The following DLGAP1 variants were observed in gnomAD, a reference collection of about 807,000 sequenced individuals.
The protein encoded by DLGAP1 is disks large-associated protein 1.
A neutral mutation model predicts 90.8 loss-of-function variants in DLGAP1; 11 were observed. The observed-to-expected ratio is 0.12, with a 90% CI of 0.08 to 0.20. DLGAP1 has a LOEUF of 0.20. Among genes scored for constraint, DLGAP1 ranks in the 10% least tolerant of loss-of-function variants. DLGAP1 has a pLI of 1.00. For synonymous variants in DLGAP1, 558 were observed against 540.7 expected (o/e 1.03, Z -0.44); for missense variants, 1,050 against 1,333.8 (o/e 0.79, Z 3.31).
intron 1 of DLGAP1, among the ~76,000 whole-genome samples, chr18:4,170,894 G>A (rs2077012230): frequency 6.6e-6 from 1 of 152,080 alleles, no homozygotes; most frequent in African/African-American, 2.4e-5. Flanking sequence ...ATATACAACT[G>A]GGAGAGGAGG....
In DLGAP1 at chr18:3,552,624, T is replaced by A. The variant is rs141671598; in HGVS notation, c.2057+14866A>T. ...ACACTGTTTGTATATCTTCACTTAA[T>A]CCTCCTATTTTCAGTATAGTCACCC... On this transcript the variant is annotated intron_variant, in intron 9 of 12. Coordinates refer to ENST00000315677, the MANE Select transcript of DLGAP1 (RefSeq NM_004746.4). 5.3e-3 allele frequency among the ~76,000 whole-genome samples: 802 copies of A among 152,236 alleles called. 2 individuals carry two copies. Among genetic ancestry groups the A allele is most frequent in the Non-Finnish European group, 8.7e-3 (595 of 68,014 alleles).
At chr18:3,856,956 T>C (rs567867918) in intron 4 of DLGAP1, among the ~76,000 whole-genome samples, 39 of 152,234 alleles carry the variant, frequency 2.6e-4, no homozygotes, top group Admixed American at 2.0e-3. Context: ...GCTTGCTCTA[T>C]GTATTAAATT....
intron 2 of DLGAP1, among the ~76,000 whole-genome samples, chr18:4,137,478 T>TAGACACA (rs1568416141): frequency 2.6e-5 from 4 of 152,146 alleles, no homozygotes; most frequent in African/African-American, 9.7e-5. Context: ...TTCTGTTCCA[T>TAGACACA]TGGTCTATGT....
intron 5 of DLGAP1, among the ~76,000 whole-genome samples, chr18:3,752,410 G>C (rs924758892): frequency 2.0e-5 from 3 of 151,900 alleles, no homozygotes; most frequent in East Asian, 1.9e-4. Context: ...CTATGCCTTT[G>C]CCTGTTCTGG....
intron 1 of DLGAP1, among the ~76,000 whole-genome samples, chr18:4,268,516 T>C (rs2145330524): frequency 6.6e-6 from 1 of 152,290 alleles, no homozygotes; most frequent in Middle Eastern, 3.4e-3. Context: ...TTATCTCTCC[T>C]CTCTTCTCTC....
intron 1 of DLGAP1, among the ~76,000 whole-genome samples, chr18:4,225,913 C>T (rs983588075): frequency 4.6e-5 from 7 of 151,766 alleles, no homozygotes; most frequent in African/African-American, 1.7e-4. Context: ...ACTTCCCCAA[C>T]CTAAAGAAAG....
intron 6 of DLGAP1, among the ~76,000 whole-genome samples, chr18:3,731,130 A>G (rs2062409867): frequency 6.6e-6 from 1 of 152,128 alleles, no homozygotes; most frequent in Non-Finnish European, 1.5e-5. Flanking sequence ...AAGCAAATAT[A>G]TATGTGTGTA....
intron 1 of DLGAP1, among the ~76,000 whole-genome samples, chr18:4,202,394 T>G (rs1404913895): frequency 6.6e-6 from 1 of 152,170 alleles, no homozygotes; most frequent in Non-Finnish European, 1.5e-5. Context: ...GGGTACAATG[T>G]ACACTACTTG....
At chr18:4,337,069 G>A (rs575331675) in intron 1 of DLGAP1, among the ~76,000 whole-genome samples, 17 of 149,178 alleles carry the variant, frequency 1.1e-4, no homozygotes, top group African/African-American at 3.9e-4. Flanking sequence ...AGCCGAGATT[G>A]TGCCACTGCA....
chr18:3,844,664 A>G (rs1476156491), intron 4 of DLGAP1, among the ~76,000 whole-genome samples: 1 of 152,194 alleles, frequency 6.6e-6, no homozygotes, highest in Non-Finnish European at 1.5e-5. Flanking sequence ...CATTACCAGC[A>G]CGCTGTTATT....
intron 1 of DLGAP1, among the ~76,000 whole-genome samples, chr18:4,258,232 T>C (rs534243810): frequency 7.3e-4 from 111 of 152,152 alleles, no homozygotes; most frequent in African/African-American, 2.7e-3. Context: ...GAGACAAGGA[T>C]GAGGTCTCGT....
At chr18:4,143,768 T>G (rs2076534508) in intron 2 of DLGAP1, among the ~76,000 whole-genome samples, 1 of 152,136 alleles carries the variant, frequency 6.6e-6, no homozygotes, top group African/African-American at 2.4e-5. Flanking sequence ...CCAAGGCCCA[T>G]GGCAAGTGCT....
rs116279876 is a variant in DLGAP1 at position 4,207,020 on chromosome 18, G to A, written c.-266-55733C>T. On this transcript the variant is annotated intron_variant, in intron 1 of 12. Transcript: ENST00000315677. ...TTGGTAAGTCTCATAAGAAGCTGGA[G>A]GCGATGGGATCCAATTGCAGATGGT... is the stretch of plus-strand genomic sequence containing the variant. Among the ~76,000 whole-genome samples, 206 of 152,288 alleles carry A rather than the reference G, an allele frequency of 1.4e-3. 1 individual carries two copies. The highest frequency in any genetic ancestry group is 4.9e-3 in the African/African-American group (202 of 41,558).
intron 4 of DLGAP1, among the ~76,000 whole-genome samples, chr18:3,823,076 T>C (rs113578270): frequency 8.5e-5 from 13 of 152,372 alleles, no homozygotes; most frequent in African/African-American, 2.9e-4. Context: ...GGTTTAGCTA[T>C]CCCAGTTCCA....
chr18:3,757,295 C>A (rs913406803), intron 5 of DLGAP1, among the ~76,000 whole-genome samples: 1 of 152,170 alleles, frequency 6.6e-6, no homozygotes, highest in Non-Finnish European at 1.5e-5. Context: ...GTAGTCCCAG[C>A]TACTTAGGAG....
At chr18:3,732,786 C>T (rs1412141000) in intron 6 of DLGAP1, among the ~76,000 whole-genome samples, 3 of 152,034 alleles carry the variant, frequency 2.0e-5, no homozygotes, top group Non-Finnish European at 2.9e-5. Flanking sequence ...CTGCCCAGTC[C>T]TGGAATCAGT....
At chr18:3,718,062 C>A (rs978809436) in intron 7 of DLGAP1, among the ~76,000 whole-genome samples, 8 of 152,116 alleles carry the variant, frequency 5.3e-5, no homozygotes, top group African/African-American at 1.9e-4. Flanking sequence ...TTTCAGGTTA[C>A]CAATTTTTAA....
chr18:4,261,989 G>A (rs954935966), intron 1 of DLGAP1, among the ~76,000 whole-genome samples: 1 of 152,140 alleles, frequency 6.6e-6, no homozygotes, highest in Non-Finnish European at 1.5e-5. Context: ...GATAGTGCAA[G>A]GAGTACTATA....
intron 9 of DLGAP1, among the ~76,000 whole-genome samples, chr18:3,557,603 TG>T (rs1248124988): frequency 1.8e-4 from 27 of 152,334 alleles, no homozygotes; most frequent in Middle Eastern, 3.4e-3. Context: ...TAATTTAAAG[TG>T]TGCTGTTAAA....
Sources: gnomAD v4.1 joint callset for allele counts (sites outside exome capture counted in the v4.1 genomes callset) on GRCh38, gnomAD v4.1.1 for gene constraint, MANE v1.5 for transcripts, NCBI Gene and HGNC (gene_info 2026-07-23, HGNC 2026-07-21) for gene names.